The following TMEM132D variants were observed in gnomAD, a reference collection of about 807,000 sequenced individuals.
TMEM132D encodes the protein transmembrane protein 132D, also known as mature OL transmembrane protein.
In TMEM132D, 21 loss-of-function variants were observed where a neutral mutation model predicts 62.3. The observed-to-expected ratio is 0.34, with a 90% confidence interval of 0.24 to 0.49. The LOEUF (loss-of-function observed/expected upper bound fraction) is 0.49. Ranked by LOEUF, TMEM132D falls within the 20% of genes least tolerant of loss-of-function variation. TMEM132D has a pLI of 0.99. For synonymous variants in TMEM132D, 621 were observed against 575.6 expected (o/e 1.08, Z -1.13); for missense variants, 1,346 against 1,402.8 (o/e 0.96, Z 0.65).
At position 129,559,950 on chromosome 12, in the gene TMEM132D, T is replaced by A. The variant is rs138154574; in HGVS notation, c.969-28745A>T. On this transcript the variant is annotated intron_variant, in intron 2 of 8. Transcript: ENST00000422113. ...GTGGAATACAGCTGCTGGCCTCCAG[T>A]GAAAAGAGTACTGTTCAGGGTAAGG... Among the ~76,000 whole-genome samples the A allele has an allele frequency of 3.3e-5, 5 of 152,246 alleles. No individual in the cohort carries two copies. In the East Asian group the frequency reaches 9.7e-4, roughly 29 times the overall value.
intron 2 of TMEM132D, among the ~76,000 whole-genome samples, chr12:129,584,319 C>G (rs1311426171): frequency 6.6e-6 from 1 of 152,120 alleles, no homozygotes; most frequent in African/African-American, 2.4e-5. Flanking sequence ...ATGTTTTTAC[C>G]TAATAGCAAA....
chr12:129,119,301 A>G (rs1875989620), intron 5 of TMEM132D, among the ~76,000 whole-genome samples: 1 of 152,240 alleles, frequency 6.6e-6, no homozygotes, highest in East Asian at 1.9e-4. Flanking sequence ...AATAGAGTAC[A>G]TATCAAAAAC....
intron 4 of TMEM132D, among the ~76,000 whole-genome samples, chr12:129,252,751 T>C (rs917314276): frequency 1.3e-5 from 2 of 152,100 alleles, no homozygotes; most frequent in Non-Finnish European, 2.9e-5. Context: ...CGTATGTTTA[T>C]AGCGGCACTA....
chr12:129,311,001 A>G lies in TMEM132D; in HGVS notation c.1299+26633T>C, dbSNP rs1240432222. On this transcript the variant is annotated intron_variant, in intron 4 of 8. Coordinates refer to ENST00000422113, the MANE Select transcript of TMEM132D (RefSeq NM_133448.3). ...ATCACGAGGTCAGGAGATCGAGACCATCCTGGCTAACACGGTGAAACCCCG... is the reference window on the plus strand; with the variant it reads ...ATCACGAGGTCAGGAGATCGAGACCGTCCTGGCTAACACGGTGAAACCCCG... Among the ~76,000 whole-genome samples, 3 of 96,136 alleles carry G rather than the reference A, an allele frequency of 3.1e-5. 1 individual carries two copies. The Admixed American group carries it at 3.7e-4, about 12-fold the overall frequency. The allele number at this position is 96,136 out of a possible 152,430, so 63.1% of individuals were successfully genotyped here.
At chr12:129,768,129 C>A (rs927126313) in intron 1 of TMEM132D, among the ~76,000 whole-genome samples, 5 of 152,172 alleles carry the variant, frequency 3.3e-5, no homozygotes, top group African/African-American at 1.2e-4. Context: ...GAAGAGATTT[C>A]TTTGGGAACA....
chr12:129,261,734 C>T (rs969596100), intron 4 of TMEM132D, among the ~76,000 whole-genome samples: 1 of 152,158 alleles, frequency 6.6e-6, no homozygotes, highest in African/African-American at 2.4e-5. Context: ...GGCCTTCTCT[C>T]TGTGTGTGTC....
intron 3 of TMEM132D, among the ~76,000 whole-genome samples, chr12:129,395,691 CTACATAGATA>C (rs977112150): frequency 9.5e-6 from 1 of 105,388 alleles, no homozygotes; most frequent in African/African-American, 3.5e-5. Context: ...ATATGTATAT[CTACATAGATA>C]TATCTGTATA....
chr12:129,544,497 C>G (rs1876677822), intron 2 of TMEM132D, among the ~76,000 whole-genome samples: 2 of 152,214 alleles, frequency 1.3e-5, no homozygotes, highest in African/African-American at 4.8e-5. Flanking sequence ...TTTTCTTGGA[C>G]TATCCACTTG....
intron 2 of TMEM132D, among the ~76,000 whole-genome samples, chr12:129,663,343 G>A (rs964829533): frequency 2.3e-4 from 35 of 152,276 alleles, no homozygotes; most frequent in African/African-American, 8.2e-4. Flanking sequence ...TCACCATGTT[G>A]GTCAGGCTGG....
At chr12:129,637,222 G>A (rs1218853195) in intron 2 of TMEM132D, among the ~76,000 whole-genome samples, 5 of 152,086 alleles carry the variant, frequency 3.3e-5, no homozygotes, top group Non-Finnish European at 5.9e-5. Context: ...TTTGTTTCAG[G>A]TATGTTGTAT....
At chr12:129,350,469 G>A (rs1566041542) in intron 3 of TMEM132D, among the ~76,000 whole-genome samples, 1 of 152,090 alleles carries the variant, frequency 6.6e-6, no homozygotes, top group Non-Finnish European at 1.5e-5. Flanking sequence ...CGGAACACAA[G>A]AGACAGATCC....
chr12:129,221,561 C>T (rs1879346430), intron 4 of TMEM132D, among the ~76,000 whole-genome samples: 1 of 152,146 alleles, frequency 6.6e-6, no homozygotes, highest in South Asian at 2.1e-4. Context: ...CCCTTCATCT[C>T]CTGGTTACTG....
intron 4 of TMEM132D, among the ~76,000 whole-genome samples, chr12:129,291,787 C>T (rs2135619836): frequency 6.6e-6 from 1 of 152,188 alleles, no homozygotes. Context: ...TTGGAAATGG[C>T]TATGGGGCTA....
chr12:129,263,584 T>C (rs894664913), intron 4 of TMEM132D, among the ~76,000 whole-genome samples: 2 of 151,902 alleles, frequency 1.3e-5, no homozygotes, highest in African/African-American at 4.8e-5. Context: ...AGGAGGACCT[T>C]AAAGATTAAG....
chr12:129,095,493 A>C (rs1428748452), intron 5 of TMEM132D, among the ~76,000 whole-genome samples: 1 of 152,068 alleles, frequency 6.6e-6, no homozygotes, highest in Non-Finnish European at 1.5e-5. Context: ...TAGGAACTAC[A>C]GGTGAGCATC....
At chr12:129,331,422 T>C (rs1392766800) in intron 4 of TMEM132D, among the ~76,000 whole-genome samples, 1 of 152,164 alleles carries the variant, frequency 6.6e-6, no homozygotes, top group Non-Finnish European at 1.5e-5. Context: ...ACATTGTCTG[T>C]CCTGACCATG....
At chr12:129,218,599 G>A (rs1018887872) in intron 4 of TMEM132D, among the ~76,000 whole-genome samples, 1 of 152,198 alleles carries the variant, frequency 6.6e-6, no homozygotes, top group Non-Finnish European at 1.5e-5. Context: ...ATTGTTGACC[G>A]AAATGTTGGT....
At chr12:129,650,732 A>T (rs1483345052) in intron 2 of TMEM132D, among the ~76,000 whole-genome samples, 2 of 152,112 alleles carry the variant, frequency 1.3e-5, no homozygotes, top group Non-Finnish European at 2.9e-5. Context: ...TAAACTGATC[A>T]TCTCTTCTCA....
intron 1 of TMEM132D, among the ~76,000 whole-genome samples, chr12:129,725,767 A>C (rs1869011464): frequency 1.3e-5 from 2 of 152,246 alleles, no homozygotes; most frequent in African/African-American, 4.8e-5. Flanking sequence ...TGCACAGAAA[A>C]GTTAACACAG....
Sources: gnomAD v4.1 joint callset for allele counts (sites outside exome capture counted in the v4.1 genomes callset) on GRCh38, gnomAD v4.1.1 for gene constraint, MANE v1.5 for transcripts, NCBI Gene and HGNC (gene_info 2026-07-23, HGNC 2026-07-21) for gene names.